Variants in SIPA1L2 observed in about 807,000 individuals in gnomAD.
SIPA1L2 encodes the protein signal induced proliferation associated 1 like 2.
A neutral mutation model predicts 163.9 loss-of-function variants in SIPA1L2; 56 were observed. The observed-to-expected ratio is 0.34, with a 90% confidence interval of 0.28 to 0.43. SIPA1L2 has a LOEUF of 0.43. SIPA1L2 is among the 20% of genes least tolerant of loss of function. The pLI is 1.00. For missense variants in SIPA1L2, 1,974 were observed against 2,193.5 expected (o/e 0.90, Z 2.00); for synonymous variants, 877 against 865.7 (o/e 1.01, Z -0.23).
intron 2 of SIPA1L2, among the ~76,000 whole-genome samples, chr1:232,571,761 T>G (rs1659742510): frequency 6.6e-6 from 1 of 152,122 alleles, no homozygotes; most frequent in South Asian, 2.1e-4. Flanking sequence ...GTCTGGGACC[T>G]CCCCCTTCTG....
chr1:232,509,688 T>G (rs997029491), intron 3 of SIPA1L2, among the ~76,000 whole-genome samples: 1 of 152,186 alleles, frequency 6.6e-6, no homozygotes, highest in Non-Finnish European at 1.5e-5. Flanking sequence ...CACTGTACTT[T>G]TCACTTAAGA....
chr1:232,615,575 C>T (rs998610702), intron 1 of SIPA1L2, among the ~76,000 whole-genome samples: 2 of 152,194 alleles, frequency 1.3e-5, no homozygotes, highest in Non-Finnish European at 2.9e-5. Flanking sequence ...AAGTGATTAC[C>T]ATTATTCCAT....
chr1:232,565,138 A>C (rs1442820044), intron 2 of SIPA1L2, among the ~76,000 whole-genome samples: 2 of 152,226 alleles, frequency 1.3e-5, no homozygotes, highest in African/African-American at 4.8e-5. Context: ...TTTTCAAATA[A>C]AAGAAAATAG....
At position 232,600,199 on chromosome 1, in the gene SIPA1L2, T is replaced by G. The variant is rs189356640; in HGVS notation, c.-318-25977A>C. 1.1e-4 allele frequency among the ~76,000 whole-genome samples: 17 copies of G among 152,302 alleles called. No individual in the cohort carries two copies. The East Asian group carries it at 2.5e-3, about 22-fold the overall frequency. ...ATAAACTGATAGCAAGTTTGCTTTTTCAAATGAAGGGGCAGTGTTGGTGAC... is the reference window on the plus strand; with the variant it reads ...ATAAACTGATAGCAAGTTTGCTTTTGCAAATGAAGGGGCAGTGTTGGTGAC... On this transcript the variant is annotated intron_variant, in intron 1 of 22. Coordinates refer to ENST00000674635, the MANE Select transcript of SIPA1L2 (RefSeq NM_020808.5).
chr1:232,599,154 C>T (rs913778152), intron 1 of SIPA1L2, among the ~76,000 whole-genome samples: 6 of 152,084 alleles, frequency 3.9e-5, no homozygotes, highest in African/African-American at 7.2e-5. Flanking sequence ...TGCTTAAACC[C>T]TATAAAGTGA....
chr1:232,556,515 CA>C (rs998347929), intron 2 of SIPA1L2, among the ~76,000 whole-genome samples: 2 of 152,114 alleles, frequency 1.3e-5, no homozygotes, highest in Non-Finnish European at 2.9e-5. Flanking sequence ...CCACGCAATT[CA>C]AAAGGCAGCT....
At chr1:232,470,026 C>CT (rs1664722662) in intron 8 of SIPA1L2, among the ~76,000 whole-genome samples, 1 of 151,926 alleles carries the variant, frequency 6.6e-6, no homozygotes, top group South Asian at 2.1e-4. Context: ...ACACCAAATA[C>CT]AATACGATAA....
intron 1 of SIPA1L2, among the ~76,000 whole-genome samples, chr1:232,599,279 G>A (rs894674648): frequency 6.6e-6 from 1 of 152,150 alleles, no homozygotes; most frequent in South Asian, 2.1e-4. Context: ...ACTCTGCCTA[G>A]GCCAATAACA....
At chr1:232,562,029 T>A (rs789656) in intron 2 of SIPA1L2, among the ~76,000 whole-genome samples, 58,940 of 152,040 alleles carry the variant, frequency 0.39, 12,533 homozygotes, top group East Asian at 0.57. Flanking sequence ...TAAATACGGC[T>A]TCAAATATGG....
chr1:232,535,957 T>C (rs1032064832), intron 2 of SIPA1L2, among the ~76,000 whole-genome samples: 5 of 152,202 alleles, frequency 3.3e-5, no homozygotes, highest in African/African-American at 1.2e-4. Flanking sequence ...ACTTTCTCCT[T>C]AGGGATATGT....
intron 17 of SIPA1L2, among the ~76,000 whole-genome samples, chr1:232,427,983 G>C (rs1288786456): frequency 6.6e-6 from 1 of 152,186 alleles, no homozygotes; most frequent in African/African-American, 2.4e-5. Flanking sequence ...TACTGTTCAC[G>C]ATCACTAGTT....
intron 2 of SIPA1L2, among the ~76,000 whole-genome samples, chr1:232,562,084 G>C (rs1372183810): frequency 6.6e-6 from 1 of 152,188 alleles, no homozygotes; most frequent in African/African-American, 2.4e-5. Flanking sequence ...GTTTTGGAGG[G>C]CAGAGGACAC....
At chr1:232,535,731 A>G (rs1657264173) in intron 2 of SIPA1L2, among the ~76,000 whole-genome samples, 1 of 152,206 alleles carries the variant, frequency 6.6e-6, no homozygotes, top group African/African-American at 2.4e-5. Context: ...CGTGCCTCAC[A>G]GTAAGGAATT....
At chr1:232,497,079 T>C (rs114075183) in intron 3 of SIPA1L2, among the ~76,000 whole-genome samples, 3 of 151,966 alleles carry the variant, frequency 2.0e-5, no homozygotes, top group African/African-American at 4.8e-5. Flanking sequence ...CATGACAACA[T>C]AAAATGATCA....
chr1:232,515,151 A>AC lies in SIPA1L2; in HGVS notation c.188dup (p.Pro64SerfsTer3). The AC allele has an allele frequency of 6.2e-7, 1 of 1,613,934 alleles. No homozygotes were observed. Among genetic ancestry groups the AC allele is most frequent in the Non-Finnish European group, 8.5e-7 (1 of 1,179,874 alleles). On this transcript the variant is annotated frameshift_variant, in exon 3 of 23. Transcript: ENST00000674635. LOFTEE classifies it high-confidence loss of function. ...GCACAGCTGGGGTACCATTAGCCGGACCACCACCGCCAGTCTCATTGGAAT... is the reference window on the plus strand; with the variant it reads ...GCACAGCTGGGGTACCATTAGCCGGACCCACCACCGCCAGTCTCATTGGAAT...
intron 2 of SIPA1L2, among the ~76,000 whole-genome samples, chr1:232,567,833 C>A (rs1312921200): frequency 6.6e-6 from 1 of 152,220 alleles, no homozygotes; most frequent in South Asian, 2.1e-4. Flanking sequence ...TTGGGACTTT[C>A]TGCCCCATCC....
chr1:232,432,544 G>T, intron 15 of SIPA1L2, 73 bp from the exon 16 acceptor site: 2 of 1,441,648 alleles, frequency 1.4e-6, no homozygotes, highest in Non-Finnish European at 1.9e-6. Context: ...CAAATTCAGA[G>T]CCACAAGGCT....
intron 2 of SIPA1L2, among the ~76,000 whole-genome samples, chr1:232,560,747 T>G (rs1423363804): frequency 6.6e-6 from 1 of 152,182 alleles, no homozygotes; most frequent in Non-Finnish European, 1.5e-5. Context: ...TCAAAGCTTC[T>G]AAGTGCATAT....
intron 14 of SIPA1L2, among the ~76,000 whole-genome samples, chr1:232,440,321 G>T (rs1308442323): frequency 1.3e-5 from 2 of 152,192 alleles, no homozygotes; most frequent in East Asian, 3.9e-4. Flanking sequence ...TCATAAGAAC[G>T]AGCCAGGCCC....
Sources: allele counts gnomAD v4.1 joint callset (sites outside exome capture counted in the v4.1 genomes callset), GRCh38; gene constraint gnomAD v4.1.1; transcripts MANE v1.5; gene names NCBI Gene and HGNC (gene_info 2026-07-23, HGNC 2026-07-21).